Variants in AHI1 observed in about 807,000 individuals in gnomAD.
The protein encoded by AHI1 is Abelson helper integration site 1, also known as jouberin.
Under a neutral mutation model 149.3 loss-of-function variants are expected in AHI1, and 123 were observed. That is an observed-to-expected ratio of 0.82 (90% CI 0.71 to 0.96). AHI1 has a LOEUF of 0.96. Ranked by LOEUF, AHI1 falls within the 40% of genes least tolerant of loss-of-function variation. AHI1 has a pLI of 0.00. For missense variants in AHI1, 1,439 were observed against 1,422.7 expected (o/e 1.01, Z -0.18); for synonymous variants, 475 against 459.8 (o/e 1.03, Z -0.42).
At chr6:135,375,749 T>C (rs1336534385) in intron 23 of AHI1, among the ~76,000 whole-genome samples, 1 of 152,214 alleles carries the variant, frequency 6.6e-6, no homozygotes, top group Non-Finnish European at 1.5e-5. Context: ...TTATGTTCAC[T>C]GAAAGGATCT....
At chr6:135,422,619 TTATGTATGTATG>T (rs71006761) in intron 20 of AHI1, among the ~76,000 whole-genome samples, 28 of 147,840 alleles carry the variant, frequency 1.9e-4, no homozygotes, top group South Asian at 4.4e-4. Context: ...AGTTTTATTT[TTATGTATGTATG>T]TATGTATGTA....
Position 135,429,932 on chromosome 6 carries a change from A to T in AHI1, c.2442T>A (p.Arg814=). 1.3e-6 allele frequency: 2 copies of T among 1,592,392 alleles called. No individual in the cohort carries two copies. Among genetic ancestry groups the T allele is most frequent in the South Asian group, 2.3e-5 (2 of 86,646 alleles). The part of the protein sequence containing the change: ...SYLEIHPNGK[R]LLIHTKDSTL... ...TACTGTCTTTGGTATGGATTAACAA[A>T]CGTTTTCCATTGGGATGAATCTCCA... Residue 814 remains arginine (R), a synonymous_variant, in exon 18 of 29, where the codon CGT becomes CGA. Coordinates refer to ENST00000265602, the MANE Select transcript of AHI1 (RefSeq NM_001134831.2).
At chr6:135,391,862 A>G (rs988613754) in intron 23 of AHI1, among the ~76,000 whole-genome samples, 2 of 152,210 alleles carry the variant, frequency 1.3e-5, no homozygotes, top group African/African-American at 4.8e-5. Flanking sequence ...AGCATGGGCA[A>G]GTGGGAAAGA....
chr6:135,394,660 G>A (rs1778967356), intron 23 of AHI1, 116 bp downstream of exon 23: 1 of 1,363,066 alleles, frequency 7.3e-7, no homozygotes. Flanking sequence ...AATATAATTT[G>A]TCAAGTGTAA....
Position 135,457,725 on chromosome 6 carries a change from G to T in AHI1, c.932-12C>A, listed in dbSNP as rs1562220137. 6.3e-7 allele frequency: 1 copy of T among 1,589,670 alleles called. No homozygotes were observed. ...ATTATTATCTGCAACTACACGCATG[G>T]AAAAAAAAATCAATGTTATAATTAG... On this transcript the variant is annotated splice_polypyrimidine_tract_variant and intron_variant, in intron 8 of 28. Transcript: ENST00000265602.
At chr6:135,314,697 A>C (rs923314948) in intron 26 of AHI1, among the ~76,000 whole-genome samples, 1 of 152,130 alleles carries the variant, frequency 6.6e-6, no homozygotes, top group South Asian at 2.1e-4. Flanking sequence ...CAGGCTACTC[A>C]TTCTCACATA....
chr6:135,361,790 G>A (rs914930148), intron 23 of AHI1, among the ~76,000 whole-genome samples: 2 of 151,834 alleles, frequency 1.3e-5, no homozygotes, highest in African/African-American at 2.4e-5. Context: ...ATGTATACGT[G>A]TATGTGTGTA....
At chr6:135,354,194 T>G (rs1792601399) in intron 24 of AHI1, among the ~76,000 whole-genome samples, 1 of 152,114 alleles carries the variant, frequency 6.6e-6, no homozygotes, top group Admixed American at 6.6e-5. Flanking sequence ...ACAGGGTCAC[T>G]GAATAAAAAC....
At chr6:135,489,164 T>C (rs2128132426) in intron 5 of AHI1, among the ~76,000 whole-genome samples, 1 of 152,312 alleles carries the variant, frequency 6.6e-6, no homozygotes, top group African/African-American at 2.4e-5. Flanking sequence ...TCTTTTGAGC[T>C]GCGAAATATC....
At chr6:135,292,378 A>G (rs1782472989) in intron 27 of AHI1, among the ~76,000 whole-genome samples, 2 of 152,204 alleles carry the variant, frequency 1.3e-5, no homozygotes, top group Non-Finnish European at 1.5e-5. Flanking sequence ...CAATCTATAT[A>G]CAATCTATCA....
intron 27 of AHI1, among the ~76,000 whole-genome samples, chr6:135,296,552 G>A (rs898696231): frequency 1.3e-5 from 2 of 152,124 alleles, no homozygotes; most frequent in East Asian, 3.9e-4. Flanking sequence ...AGGGTAACAG[G>A]TATGCTTCTG....
intron 26 of AHI1, among the ~76,000 whole-genome samples, chr6:135,311,858 A>G (rs1271378173): frequency 1.3e-5 from 2 of 152,222 alleles, no homozygotes; most frequent in African/African-American, 2.4e-5. Context: ...CCCCTGTGGT[A>G]TAAGTTGTTA....
chr6:135,317,792 T>C (rs1260942186), intron 26 of AHI1, among the ~76,000 whole-genome samples: 1 of 152,232 alleles, frequency 6.6e-6, no homozygotes, highest in African/African-American at 2.4e-5. Context: ...TTTGACACTG[T>C]AATGATATGT....
rs1207163251 is a variant in AHI1, at chr6:135,463,256, G to C, written c.800C>G (p.Ser267Cys). The C allele has an allele frequency of 6.2e-7, 1 of 1,610,164 alleles. No homozygotes were observed. Among genetic ancestry groups the C allele is most frequent in the South Asian group, 1.1e-5 (1 of 90,722 alleles). ...DTVEGEQKKESSVRSVSSDSH... is the reference protein window; with the variant it reads ...DTVEGEQKKECSVRSVSSDSH... ...ATCTGAAGAAACTGATCTAACTGAAGATTCTTTCTTTTGTTCACCTTCAAC... is the reference window on the plus strand; with the variant it reads ...ATCTGAAGAAACTGATCTAACTGAACATTCTTTCTTTTGTTCACCTTCAAC... The change falls in exon 8 of 29, where the codon TCT (serine) becomes TGT (cysteine). Residue 267 changes from serine to cysteine, a missense_variant. Coordinates refer to ENST00000265602, the MANE Select transcript of AHI1 (RefSeq NM_001134831.2).
chr6:135,342,709 C>T (rs1790558909), intron 24 of AHI1, among the ~76,000 whole-genome samples: 1 of 151,624 alleles, frequency 6.6e-6, no homozygotes, highest in Non-Finnish European at 1.5e-5. Flanking sequence ...CTAAGAAAAA[C>T]ACTCAACAAA....
At chr6:135,447,621 T>C (rs1046187223) in intron 12 of AHI1, among the ~76,000 whole-genome samples, 1 of 152,182 alleles carries the variant, frequency 6.6e-6, no homozygotes, top group African/African-American at 2.4e-5. Flanking sequence ...ACATATCAGC[T>C]ACAGAACGTG....
intron 24 of AHI1, among the ~76,000 whole-genome samples, chr6:135,340,399 C>CAA (rs1004171009): frequency 7.6e-6 from 1 of 130,952 alleles, no homozygotes; most frequent in African/African-American, 2.8e-5. Flanking sequence ...CAAAAACAAA[C>CAA]AAAAAAAAAA....
In AHI1 at chr6:135,290,456, G is replaced by C; in HGVS notation, c.3555C>G (p.Asn1185Lys). The change falls in exon 28 of 29, where the codon AAC (asparagine) becomes AAG (lysine). Residue 1185 changes from asparagine to lysine, a missense_variant. Transcript: ENST00000265602. ...GAGTGACTTTTCTGCCTGCTTGCTT[G>C]TTCTTCCTCATCCGTGTATCCATTA... ...GHIMDTRMRK[N>K]KQAGRKVTLI... 6.2e-7 allele frequency: 1 copy of C among 1,612,258 alleles called. No homozygotes were observed. The highest frequency in any genetic ancestry group is 8.5e-7 in the Non-Finnish European group (1 of 1,178,424).
At chr6:135,392,412 A>T (rs1046845789) in intron 23 of AHI1, among the ~76,000 whole-genome samples, 22 of 152,106 alleles carry the variant, frequency 1.4e-4, no homozygotes, top group Non-Finnish European at 2.2e-4. Flanking sequence ...AGAGTCTAGC[A>T]CTCTAGCATG....
Sources: allele counts gnomAD v4.1 joint callset (sites outside exome capture counted in the v4.1 genomes callset), GRCh38; gene constraint gnomAD v4.1.1; transcripts MANE v1.5; gene names NCBI Gene and HGNC (gene_info 2026-07-23, HGNC 2026-07-21).